Variants in RTN2 observed in about 807,000 individuals in gnomAD.
RTN2 encodes reticulon 2.
Under a neutral mutation model 63.7 loss-of-function variants are expected in RTN2, and 36 were observed. That is an observed-to-expected ratio of 0.56 (90% CI 0.43 to 0.75). The LOEUF (loss-of-function observed/expected upper bound fraction) is 0.75. Among genes scored for constraint, RTN2 ranks in the 30% least tolerant of loss-of-function variants. The pLI is 0.00. For missense variants in RTN2, 673 were observed against 705.1 expected (o/e 0.95, Z 0.52); for synonymous variants, 312 against 313.0 (o/e 1.00, Z 0.03).
intron 5 of RTN2, among the ~76,000 whole-genome samples, chr19:45,492,724 T>C (rs1049270282): frequency 1.3e-5 from 2 of 152,132 alleles, no homozygotes; most frequent in Non-Finnish European, 2.9e-5. Flanking sequence ...TCTCCTCTCA[T>C]TTACCTCCAA....
rs113194132 is a variant in RTN2 at position 45,488,539 on chromosome 19, C to A, written c.1451-22G>T. ...ACTCCTGTGGGTACAGAGATGGGGG[C>A]GTCAGGGTGTTCCCAAGAGATGAAC... On this transcript the variant is annotated intron_variant, in intron 8 of 10. Coordinates refer to ENST00000245923, the MANE Select transcript of RTN2 (RefSeq NM_005619.5). The A allele has an allele frequency of 6.7e-4, 1,077 of 1,613,742 alleles. 8 individuals are homozygous for A. The African/African-American group carries it at 0.013, about 19-fold the overall frequency.
In RTN2 at chr19:45,494,461, G is replaced by C; in HGVS notation, c.560-41C>G. 6.2e-7 allele frequency: 1 copy of C among 1,603,550 alleles called. No homozygotes were observed. Among genetic ancestry groups the C allele is most frequent in the African/African-American group, 1.3e-5 (1 of 74,660 alleles). ...GAGGAGGCCGTGAGCTTTCTTCTTG[G>C]AGGTGCCCCAAGGAGAAACCACCCA... On this transcript the variant is annotated intron_variant, in intron 3 of 10. Coordinates refer to ENST00000245923, the MANE Select transcript of RTN2 (RefSeq NM_005619.5). This position sits in a 1 kb window ranked among gnomAD's most constrained non-coding sequence, Gnocchi z 5.3.
intron 5 of RTN2, among the ~76,000 whole-genome samples, chr19:45,491,753 A>T (rs1968166385): frequency 6.6e-6 from 1 of 151,682 alleles, no homozygotes; most frequent in Non-Finnish European, 1.5e-5. Flanking sequence ...GATGGTCTCG[A>T]TCTCCTGACC....
At chr19:45,493,457 TTTTG>T in intron 4 of RTN2, 79 bp from the exon 5 acceptor site, 4 of 1,064,190 alleles carry the variant, frequency 3.8e-6, no homozygotes, top group Non-Finnish European at 5.6e-6. Context: ...AAAAGAGGGT[TTTTG>T]TTTGTTTTTT....
At chr19:45,489,801 C>A (rs1225312186) in intron 5 of RTN2, among the ~76,000 whole-genome samples, 1 of 151,062 alleles carries the variant, frequency 6.6e-6, no homozygotes, top group Admixed American at 6.6e-5. Flanking sequence ...ACGTCAGCCT[C>A]CTCAGTAGCT....
chr19:45,493,859 T>G (rs901787565), intron 4 of RTN2: 4 of 351,108 alleles, frequency 1.1e-5, no homozygotes, highest in African/African-American at 8.7e-5. Context: ...TTCTCCTGCC[T>G]CAGCCTCCCG....
At position 45,496,892 on chromosome 19, in the gene RTN2, C is replaced by T. The variant is rs1968284577; in HGVS notation, c.-67G>A. On this transcript the variant is annotated 5_prime_UTR_variant, in exon 1 of 11. Transcript: ENST00000245923. ...CTGTGCCGCCCTGGGCCCGGGGTCG[C>T]GGGCGCTCATCTCCGCCGCGCCCAC... is the stretch of plus-strand genomic sequence containing the variant. The T allele has an allele frequency of 7.5e-6, 8 of 1,071,644 alleles. No individual in the cohort carries two copies. The highest frequency in any genetic ancestry group is 1.0e-5 in the Non-Finnish European group (8 of 795,848). The allele number at this position is 1,071,644 out of a possible 1,614,324, so 66.4% of individuals were successfully genotyped here.
rs765633155 is a variant in RTN2 at position 45,495,158 on chromosome 19, C to G, written c.35-19G>C. The G allele has an allele frequency of 1.9e-6, 3 of 1,613,660 alleles. No homozygotes were observed. The South Asian group carries it at 3.3e-5, about 18-fold the overall frequency. ...GCTTCTTCTGCGAGAGGGAAAGAATCGAAGACTCTTAGAAGCTTAGACTGT... is the reference window on the plus strand; with the variant it reads ...GCTTCTTCTGCGAGAGGGAAAGAATGGAAGACTCTTAGAAGCTTAGACTGT... On this transcript the variant is annotated intron_variant, in intron 1 of 10. Coordinates refer to ENST00000245923, the MANE Select transcript of RTN2 (RefSeq NM_005619.5).
chr19:45,493,169 C>G lies in RTN2; in HGVS notation c.1024G>C (p.Gly342Arg). Residue 342 changes from glycine (G) to arginine (R), a missense_variant, in exon 5 of 11, where the codon GGG (glycine) becomes CGG (arginine). Coordinates refer to ENST00000245923, the MANE Select transcript of RTN2 (RefSeq NM_005619.5). The part of the protein sequence containing the change: ...VPSLSLGADM[G>R]SKVADLLYWK... ...CGTTCCGCAAGCCCACCTTTACTCC[C>G]CATATCGGCTCCGAGTGAGAGGCTG... 6.2e-7 allele frequency: 1 copy of G among 1,612,044 alleles called. No individual in the cohort carries two copies. Among genetic ancestry groups the G allele is most frequent in the Non-Finnish European group, 8.5e-7 (1 of 1,179,874 alleles).
At position 45,494,963 on chromosome 19, in the gene RTN2, C is replaced by T. The variant is rs576904361; in HGVS notation, c.122G>A (p.Arg41Gln). 3.7e-6 allele frequency: 6 copies of T among 1,613,768 alleles called. No individual in the cohort carries two copies. The highest frequency in any genetic ancestry group is 2.2e-5 in the East Asian group (1 of 44,882). Reference sequence around the variant, plus strand: ...CTCCTCGTCCTCCTCTGAGAATTCCCGGGCTGTGTGCAGCTCTCGAAAATC... The same window carrying T: ...CTCCTCGTCCTCCTCTGAGAATTCCTGGGCTGTGTGCAGCTCTCGAAAATC... The part of the protein sequence containing the change: ...DSDFRELHTA[R>Q]EFSEEDEEET... The change falls in exon 3 of 11, where the codon CGG becomes CAG. Residue 41 changes from arginine (R) to glutamine (Q), a missense_variant. By Grantham distance (43) the Arg-to-Gln change is conservative. Transcript: ENST00000245923. This position sits in a 1 kb window ranked among gnomAD's most constrained non-coding sequence, Gnocchi z 5.3.
chr19:45,485,400 C>T lies in RTN2; in HGVS notation c.*308G>A. The T allele has an allele frequency of 2.4e-6, 1 of 408,378 alleles. No homozygotes were observed. Among genetic ancestry groups the T allele is most frequent in the Non-Finnish European group, 4.5e-6 (1 of 221,550 alleles). The allele number at this position is 408,378 out of a possible 1,614,324, so 25.3% of individuals were successfully genotyped here. On this transcript the variant is annotated 3_prime_UTR_variant, in exon 11 of 11. Coordinates refer to ENST00000245923, the MANE Select transcript of RTN2 (RefSeq NM_005619.5). The stretch of plus-strand genomic sequence containing the variant: ...TAGTAGCATCCAGGAGACACCAACG[C>T]CTCACGGCGCCTCCAGCGGCGGGTC...
intron 5 of RTN2, among the ~76,000 whole-genome samples, chr19:45,492,853 G>A (rs934632821): frequency 1.3e-5 from 2 of 152,136 alleles, no homozygotes; most frequent in Non-Finnish European, 2.9e-5. Flanking sequence ...TAGGCACGCT[G>A]GGGGGAGGGG....
chr19:45,494,580 C>T lies in RTN2; in HGVS notation c.505G>A (p.Glu169Lys), dbSNP rs560858936. The T allele has an allele frequency of 1.2e-5, 19 of 1,614,016 alleles. No individual in the cohort carries two copies. Among genetic ancestry groups the T allele is most frequent in the Non-Finnish European group, 1.5e-5 (18 of 1,180,032 alleles). ...TTGGGTTCTTGGGGTTCTTCGTCTT[C>T]CAGCGGGGTGGAGCTGCTGGTGGAA... is the stretch of plus-strand genomic sequence containing the variant. ...DSSTSSSTPLEDEEPQEPNRL... is the reference protein window; with the variant it reads ...DSSTSSSTPLKDEEPQEPNRL... Residue 169 changes from glutamate to lysine, a missense_variant, in exon 3 of 11, where the codon GAA becomes AAA. Physicochemically the swap from Glu to Lys is moderately conservative, Grantham distance 56 (BLOSUM62 1). Transcript: ENST00000245923. The surrounding 1 kb of genome is among the most constrained non-coding windows in gnomAD (Gnocchi z 5.3).
At chr19:45,488,586 C>T in intron 8 of RTN2, 51 bp downstream of exon 8, 3 of 1,612,414 alleles carry the variant, frequency 1.9e-6, no homozygotes, top group Non-Finnish European at 2.5e-6. Context: ...GAGCCCTGTC[C>T]CCCACCAGAC....
rs752206170 is a variant in RTN2, at chr19:45,495,025, G to A, written c.80-20C>T. On this transcript the variant is annotated intron_variant, in intron 2 of 10. Transcript: ENST00000245923. ...TCCCTCCTGCAGTGGGTGAAGGAGA[G>A]CCTTGTTTCCCTCAGCAGGTCCCTG... 2.0e-5 allele frequency: 32 copies of A among 1,614,034 alleles called. No homozygotes were observed. Among genetic ancestry groups the A allele is most frequent in the Non-Finnish European group, 2.7e-5 (32 of 1,180,016 alleles).
chr19:45,489,566 G>A lies in RTN2; in HGVS notation c.1034-13C>T, dbSNP rs1968107976. On this transcript the variant is annotated splice_polypyrimidine_tract_variant and intron_variant, in intron 5 of 10. Coordinates refer to ENST00000245923, the MANE Select transcript of RTN2 (RefSeq NM_005619.5). ...AGCAGGTCCGCCACTGTGGAGGGGTGGGGGGCATCAGGGCTTGTACCTGAC... is the reference window on the plus strand; with the variant it reads ...AGCAGGTCCGCCACTGTGGAGGGGTAGGGGGCATCAGGGCTTGTACCTGAC... 1.3e-6 allele frequency: 2 copies of A among 1,577,904 alleles called. No homozygotes were observed. The highest frequency in any genetic ancestry group is 1.7e-6 in the Non-Finnish European group (2 of 1,161,578).
Position 45,493,289 on chromosome 19 carries a change from C to T in RTN2, c.904G>A (p.Ala302Thr), listed in dbSNP as rs1417969445. The stretch of plus-strand genomic sequence containing the variant: ...GGGCCCCTTTGGACCCAGCCAATGG[C>T]TGTCCACAGAGGTGGGGACAATTCC... ...ILELSPPLWTAIGWVQRGPTP... is the reference protein window; with the variant it reads ...ILELSPPLWTTIGWVQRGPTP... Residue 302 changes from alanine (A) to threonine (T), a missense_variant, in exon 5 of 11, where the codon GCC becomes ACC. Coordinates refer to ENST00000245923, the MANE Select transcript of RTN2 (RefSeq NM_005619.5). 3.7e-6 allele frequency: 6 copies of T among 1,612,838 alleles called. No homozygotes were observed. In the Admixed American group the frequency reaches 6.7e-5, roughly 18 times the overall value.
Position 45,494,926 on chromosome 19 carries a change from C to T in RTN2, c.159G>A (p.Ser53=), listed in dbSNP as rs77577960. Residue 53 remains serine (S), a synonymous_variant, in exon 3 of 11, where the codon TCG becomes TCA. Transcript: ENST00000245923. This position sits in a 1 kb window ranked among gnomAD's most constrained non-coding sequence, Gnocchi z 5.3. Reference sequence around the variant, plus strand: ...GCTCCCGGGGGGTGCCCCAGTCCTGCGACGTGGTCTCCTCCTCGTCCTCCT... The same window carrying T: ...GCTCCCGGGGGGTGCCCCAGTCCTGTGACGTGGTCTCCTCCTCGTCCTCCT... ...FSEEDEEETT[S]QDWGTPRELT... 4 of 1,613,642 alleles carry T rather than the reference C, an allele frequency of 2.5e-6. No individual in the cohort carries two copies. In the African/African-American group the frequency reaches 5.3e-5, roughly 22 times the overall value.
chr19:45,486,391 G>C (rs529843420), intron 9 of RTN2, among the ~76,000 whole-genome samples: 1 of 152,358 alleles, frequency 6.6e-6, no homozygotes, highest in East Asian at 1.9e-4. Context: ...GTTAATCTTT[G>C]AGTGAGTTTG....
Sources: allele counts gnomAD v4.1 joint callset (sites outside exome capture counted in the v4.1 genomes callset), GRCh38; gene constraint gnomAD v4.1.1; non-coding constraint Gnocchi (gnomAD v3.1); transcripts MANE v1.5; gene names NCBI Gene and HGNC (gene_info 2026-07-23, HGNC 2026-07-21).